The following GALNTL6 variants were observed in gnomAD, a reference collection of about 807,000 sequenced individuals.
GALNTL6 encodes polypeptide N-acetylgalactosaminyltransferase like 6.
GALNTL6 carries 46 observed loss-of-function variants against 73.7 expected under a neutral mutation model. That is an observed-to-expected ratio of 0.62 (90% confidence interval 0.49 to 0.80). The LOEUF is 0.80. GALNTL6 is among the 30% of genes least tolerant of loss of function. The pLI, the probability that GALNTL6 is intolerant of heterozygous loss-of-function variation, is 0.00. For synonymous variants in GALNTL6, 259 were observed against 263.7 expected (o/e 0.98, Z 0.17); for missense variants, 604 against 755.0 (o/e 0.80, Z 2.34).
In GALNTL6 at chr4:172,985,327, T is replaced by C. The variant is rs1387248357; in HGVS notation, c.1372-23851T>C. On this transcript the variant is annotated intron_variant, in intron 10 of 12. Coordinates refer to ENST00000506823, the MANE Select transcript of GALNTL6 (RefSeq NM_001034845.3). ...CCTCTTTGTGGAACTCTAAGATTAA[T>C]TGCAATAATAATAATAAATTGTTGT... is the stretch of plus-strand genomic sequence containing the variant. Among the ~76,000 whole-genome samples, 3 of 151,834 alleles carry C rather than the reference T, an allele frequency of 2.0e-5. No individual in the cohort carries two copies. The East Asian group carries it at 5.8e-4, about 29-fold the overall frequency.
intron 5 of GALNTL6, among the ~76,000 whole-genome samples, chr4:172,570,812 G>A (rs1736732364): frequency 6.6e-6 from 1 of 152,092 alleles, no homozygotes; most frequent in Non-Finnish European, 1.5e-5. Context: ...ATCAGTGGGA[G>A]CCCTGAGGTT....
chr4:172,060,049 T>C (rs374746533), intron 2 of GALNTL6, among the ~76,000 whole-genome samples: 6 of 152,322 alleles, frequency 3.9e-5, no homozygotes, highest in South Asian at 4.1e-4. Flanking sequence ...TTTCCTAAAA[T>C]GAGAAAGCTC....
chr4:172,404,359 T>G (rs1579040853), intron 5 of GALNTL6, among the ~76,000 whole-genome samples: 1 of 151,978 alleles, frequency 6.6e-6, no homozygotes, highest in East Asian at 1.9e-4. Flanking sequence ...AGCTGACAAA[T>G]ACTAAATACC....
intron 3 of GALNTL6, among the ~76,000 whole-genome samples, chr4:172,292,298 G>A (rs965294160): frequency 1.3e-5 from 2 of 151,878 alleles, no homozygotes; most frequent in Admixed American, 6.6e-5. Context: ...CCTGACATCT[G>A]CAAACAAGTC....
intron 5 of GALNTL6, among the ~76,000 whole-genome samples, chr4:172,543,916 T>A (rs1268553864): frequency 6.6e-6 from 1 of 152,222 alleles, no homozygotes; most frequent in Non-Finnish European, 1.5e-5. Flanking sequence ...CTAGTTTGTA[T>A]AAAAATTTAT....
At chr4:172,575,335 A>G (rs1427787278) in intron 5 of GALNTL6, among the ~76,000 whole-genome samples, 2 of 152,194 alleles carry the variant, frequency 1.3e-5, no homozygotes, top group East Asian at 3.9e-4. Flanking sequence ...TAAGAATTTC[A>G]TAATCATGAT....
chr4:172,800,176 G>C (rs1341449348), intron 5 of GALNTL6, among the ~76,000 whole-genome samples: 6 of 151,760 alleles, frequency 4.0e-5, no homozygotes, highest in Admixed American at 2.0e-4. Flanking sequence ...AGTTATGGAG[G>C]GTAATTGCAC....
At chr4:172,761,537 G>A (rs1387860552) in intron 5 of GALNTL6, among the ~76,000 whole-genome samples, 1 of 152,162 alleles carries the variant, frequency 6.6e-6, no homozygotes, top group African/African-American at 2.4e-5. Flanking sequence ...ATCCCCATGT[G>A]TTGAAGGAGG....
At position 172,872,650 on chromosome 4, in the gene GALNTL6, CT is replaced by C. The variant is rs201618786; in HGVS notation, c.924-10139del. 4.7e-3 allele frequency among the ~76,000 whole-genome samples: 709 copies of C among 152,298 alleles called. 7 individuals are homozygous for C. The highest frequency in any genetic ancestry group is 0.014 in the African/African-American group (602 of 41,568). Reference sequence around the variant, plus strand: ...GTAACTACAAGAAACACTTTTGGAACTCATTTTCCCAGATTACTTTTGGAGT... The same window carrying C: ...GTAACTACAAGAAACACTTTTGGAACCATTTTCCCAGATTACTTTTGGAGT... On this transcript the variant is annotated intron_variant, in intron 7 of 12. Transcript: ENST00000506823.
At chr4:172,851,968 G>A (rs1269380793) in intron 7 of GALNTL6, among the ~76,000 whole-genome samples, 1 of 152,138 alleles carries the variant, frequency 6.6e-6, no homozygotes, top group African/African-American at 2.4e-5. Context: ...GGTAACCAAG[G>A]AGAAAGGACA....
chr4:172,496,343 G>A (rs1579129028), intron 5 of GALNTL6, among the ~76,000 whole-genome samples: 1 of 152,096 alleles, frequency 6.6e-6, no homozygotes, highest in Non-Finnish European at 1.5e-5. Flanking sequence ...GTCAATTTCT[G>A]TCTCTTGGAT....
intron 5 of GALNTL6, among the ~76,000 whole-genome samples, chr4:172,547,846 A>G (rs1457763878): frequency 1.3e-5 from 2 of 152,160 alleles, no homozygotes; most frequent in Non-Finnish European, 2.9e-5. Flanking sequence ...CACTGTGCTA[A>G]GTCAACCTTC....
At chr4:171,899,088 T>TATTAATACTAAATAAAAATTTAGTATTA (rs1737006444) in intron 2 of GALNTL6, among the ~76,000 whole-genome samples, 4 of 151,744 alleles carry the variant, frequency 2.6e-5, no homozygotes, top group Non-Finnish European at 5.9e-5. Flanking sequence ...ATTTAGTATT[T>TATTAATACTAAATAAAAATTTAGTATTA]ATTAATACTA....
intron 5 of GALNTL6, among the ~76,000 whole-genome samples, chr4:172,597,692 G>A (rs1271015340): frequency 2.0e-5 from 3 of 152,130 alleles, no homozygotes; most frequent in Non-Finnish European, 2.9e-5. Context: ...ATTCAGCCAA[G>A]TTTAATTTGT....
chr4:172,678,191 A>C (rs1334392331), intron 5 of GALNTL6, among the ~76,000 whole-genome samples: 1 of 152,192 alleles, frequency 6.6e-6, no homozygotes, highest in Admixed American at 6.5e-5. Flanking sequence ...CTGTGACTGG[A>C]CTGTTTTCCA....
At position 172,206,805 on chromosome 4, in the gene GALNTL6, G is replaced by GTTTGTTTTTTTTTTTTTTTTTT. The variant is rs1554003003; in HGVS notation, c.139-22848_139-22847insGTTTTTTTTTTTTTTTTTTTTT. On this transcript the variant is annotated intron_variant, in intron 2 of 12. Coordinates refer to ENST00000506823, the MANE Select transcript of GALNTL6 (RefSeq NM_001034845.3). ...TTGTTTTGTTTTGTTTTGTTTTTCT[G>GTTTGTTTTTTTTTTTTTTTTTT]TTTTTTTTGTTTGTTTTTTTTTTTT... Among the ~76,000 whole-genome samples, 24 of 26,172 alleles carry GTTTGTTTTTTTTTTTTTTTTTT rather than the reference G, an allele frequency of 9.2e-4. 2 individuals carry two copies. The highest frequency in any genetic ancestry group is 1.4e-3 in the Non-Finnish European group (17 of 11,868). 17.2% of individuals were successfully genotyped at this position (26,172 alleles called of 152,430 possible).
At chr4:172,664,572 C>T (rs142864409) in intron 5 of GALNTL6, among the ~76,000 whole-genome samples, 3 of 152,276 alleles carry the variant, frequency 2.0e-5, no homozygotes, top group East Asian at 1.9e-4. Flanking sequence ...TTAGGCACCA[C>T]GCCTTTACTA....
At chr4:171,862,378 C>A (rs1483753917) in intron 2 of GALNTL6, among the ~76,000 whole-genome samples, 7 of 152,082 alleles carry the variant, frequency 4.6e-5, no homozygotes, top group African/African-American at 1.2e-4. Context: ...AAAAATAAAA[C>A]CTCAGTGTGA....
In GALNTL6 at chr4:171,963,921, C is replaced by T. The variant is rs377202512; in HGVS notation, c.138+149203C>T. Among the ~76,000 whole-genome samples, 7 of 152,214 alleles carry T rather than the reference C, an allele frequency of 4.6e-5. No individual in the cohort carries two copies. In the East Asian group the frequency reaches 1.2e-3, roughly 25 times the overall value. On this transcript the variant is annotated intron_variant, in intron 2 of 12. Coordinates refer to ENST00000506823, the MANE Select transcript of GALNTL6 (RefSeq NM_001034845.3). ...TTGAAGATGTTTTATAGAAAAGAGT[C>T]TTGGAAGATAGAGATAGAATCTTGC...
Sources: allele counts gnomAD v4.1 joint callset (sites outside exome capture counted in the v4.1 genomes callset), GRCh38; gene constraint gnomAD v4.1.1; transcripts MANE v1.5; gene names NCBI Gene and HGNC (gene_info 2026-07-23, HGNC 2026-07-21).